Variants in TMTC1 observed in about 807,000 individuals in gnomAD.
TMTC1 encodes transmembrane O-mannosyltransferase targeting cadherins 1.
In TMTC1, 73 loss-of-function variants were observed where a neutral mutation model predicts 104.8. The ratio of observed to expected loss-of-function variants is 0.70; its 90% CI spans 0.58 to 0.85. TMTC1 has a LOEUF of 0.85. TMTC1 is among the 40% of genes least tolerant of loss of function. The pLI is 0.00. For missense variants in TMTC1, 1,035 were observed against 1,096.1 expected, an observed-to-expected ratio of 0.94 and a Z score of 0.79; for synonymous variants, 434 against 428.7, an observed-to-expected ratio of 1.01 and a Z score of -0.15.
intron 17 of TMTC1, 133 bp from the exon 18 acceptor site, chr12:29,507,119 T>A: frequency 1.4e-6 from 1 of 729,714 alleles, no homozygotes; most frequent in Admixed American, 2.6e-5. Flanking sequence ...TGTCTGTATG[T>A]GTAATTTTAT....
chr12:29,730,497 A>G (rs945057414), intron 5 of TMTC1, among the ~76,000 whole-genome samples: 4 of 152,138 alleles, frequency 2.6e-5, no homozygotes, highest in Non-Finnish European at 5.9e-5. Context: ...AGACCAGGAG[A>G]TGCTATTGAT....
At position 29,506,866 on chromosome 12, in the gene TMTC1, G is replaced by A. The variant is rs200566462; in HGVS notation, c.2629C>T (p.Arg877Ter). The A allele has an allele frequency of 3.2e-5, 51 of 1,614,044 alleles. No homozygotes were observed. The Admixed American group carries it at 7.5e-4, about 24-fold the overall frequency. The change falls in exon 18 of 18, where the codon CGA becomes TGA. Residue 877 changes from arginine to a stop codon, truncating the protein, a stop_gained. Coordinates refer to ENST00000539277, the MANE Select transcript of TMTC1 (RefSeq NM_001193451.2). LOFTEE classifies it high-confidence loss of function. Reference sequence around the variant, plus strand: ...TGGTGCTATGTTTGATCCTTTTCTCGAACTTCTTGTAATCGTTTTTCTAGG... The same window carrying A: ...TGGTGCTATGTTTGATCCTTTTCTCAAACTTCTTGTAATCGTTTTTCTAGG... ...DRLEKRLQEV[R>*]EKDQT
intron 7 of TMTC1, among the ~76,000 whole-genome samples, chr12:29,597,198 TTTTTCTTTTC>T (rs371537051): frequency 6.6e-6 from 1 of 151,608 alleles, no homozygotes; most frequent in East Asian, 1.9e-4. Flanking sequence ...GTGAACTTTT[TTTTTCTTTTC>T]TTTTCTTTTT....
At chr12:29,542,529 T>C (rs567505625) in intron 10 of TMTC1, among the ~76,000 whole-genome samples, 1 of 152,208 alleles carries the variant, frequency 6.6e-6, no homozygotes, top group South Asian at 2.1e-4. Context: ...ACTTCTGAAA[T>C]TCTGGTGCGT....
At chr12:29,570,468 C>A (rs1478662948) in intron 9 of TMTC1, among the ~76,000 whole-genome samples, 2 of 152,326 alleles carry the variant, frequency 1.3e-5, no homozygotes, top group East Asian at 1.9e-4. Context: ...AGCTTTGATA[C>A]AATTATTCCT....
At chr12:29,601,929 G>C (rs906249735) in intron 7 of TMTC1, among the ~76,000 whole-genome samples, 2 of 150,398 alleles carry the variant, frequency 1.3e-5, no homozygotes, top group African/African-American at 2.5e-5. Flanking sequence ...TCCGCCTCCC[G>C]GGTTCACACC....
At chr12:29,668,452 A>ATTTTTTTTTTTTTTTTT (rs1940369316) in intron 5 of TMTC1, among the ~76,000 whole-genome samples, 2 of 97,996 alleles carry the variant, frequency 2.0e-5, no homozygotes, top group African/African-American at 4.0e-5. Context: ...ATACCAACTT[A>ATTTTTTTTTTTTTTTTT]TCTTTTTTTT....
At chr12:29,633,889 G>A (rs1177689826) in intron 5 of TMTC1, among the ~76,000 whole-genome samples, 1 of 152,160 alleles carries the variant, frequency 6.6e-6, no homozygotes, top group Non-Finnish European at 1.5e-5. Context: ...CTGTTTCCTG[G>A]CTGCCACTAG....
intron 1 of TMTC1, among the ~76,000 whole-genome samples, chr12:29,779,068 C>T (rs1307208331): frequency 6.6e-6 from 1 of 152,198 alleles, no homozygotes; most frequent in Non-Finnish European, 1.5e-5. Context: ...CTCTTCCCTG[C>T]AGAGCTGCAT....
chr12:29,702,358 G>A (rs1216904724), intron 5 of TMTC1, among the ~76,000 whole-genome samples: 2 of 152,158 alleles, frequency 1.3e-5, no homozygotes. Flanking sequence ...GGGCTCAGAT[G>A]GGGATAGATC....
intron 7 of TMTC1, among the ~76,000 whole-genome samples, chr12:29,584,441 T>TA (rs199742901): frequency 5.3e-4 from 81 of 151,756 alleles, no homozygotes; most frequent in African/African-American, 1.2e-3. Context: ...TTCTTTTTTT[T>TA]AAATTTTATT....
chr12:29,778,114 T>C (rs1304939620), intron 1 of TMTC1, among the ~76,000 whole-genome samples: 2 of 152,230 alleles, frequency 1.3e-5, no homozygotes, highest in African/African-American at 4.8e-5. Context: ...CTCTGACATT[T>C]TAAACCACCC....
At chr12:29,669,337 G>A (rs1940414168) in intron 5 of TMTC1, among the ~76,000 whole-genome samples, 1 of 152,224 alleles carries the variant, frequency 6.6e-6, no homozygotes, top group Non-Finnish European at 1.5e-5. Flanking sequence ...ATGGCCCATT[G>A]TGGAGTTTAG....
chr12:29,761,926 C>A (rs1346655140), intron 2 of TMTC1, among the ~76,000 whole-genome samples: 2 of 152,086 alleles, frequency 1.3e-5, no homozygotes, highest in African/African-American at 4.8e-5. Flanking sequence ...CATGTCACAC[C>A]TGTCATCCCA....
chr12:29,625,177 T>C (rs191380682), intron 6 of TMTC1, among the ~76,000 whole-genome samples: 13 of 152,344 alleles, frequency 8.5e-5, no homozygotes, highest in African/African-American at 3.1e-4. Context: ...CTATTGTTTC[T>C]TTTTAACACA....
intron 1 of TMTC1, among the ~76,000 whole-genome samples, chr12:29,770,975 T>C (rs1943583171): frequency 6.6e-6 from 1 of 152,072 alleles, no homozygotes; most frequent in Non-Finnish European, 1.5e-5. Context: ...TATCAAAATC[T>C]CTCAAAATCT....
chr12:29,633,344 G>A lies in TMTC1; in HGVS notation c.939-8C>T, dbSNP rs776235768. ...TAGGAATAGGTGAGGAATCTATAAAGAGAAGAAGAATCACTGAAACACTGC... is the reference window on the plus strand; with the variant it reads ...TAGGAATAGGTGAGGAATCTATAAAAAGAAGAAGAATCACTGAAACACTGC... On this transcript the variant is annotated splice_polypyrimidine_tract_variant and splice_region_variant and intron_variant, in intron 5 of 17. Coordinates refer to ENST00000539277, the MANE Select transcript of TMTC1 (RefSeq NM_001193451.2). 7.5e-6 allele frequency: 12 copies of A among 1,593,338 alleles called. No homozygotes were observed. Among genetic ancestry groups the A allele is most frequent in the Non-Finnish European group, 1.0e-5 (12 of 1,166,034 alleles).
At chr12:29,644,063 TATAATTTATA>T in intron 5 of TMTC1, among the ~76,000 whole-genome samples, 2 of 25,884 alleles carry the variant, frequency 7.7e-5, no homozygotes, top group Admixed American at 7.0e-4. Context: ...AATATAAATA[TATAATTTATA>T]GATAAATATA....
intron 8 of TMTC1, among the ~76,000 whole-genome samples, chr12:29,573,573 C>T (rs1276361340): frequency 6.6e-6 from 1 of 152,134 alleles, no homozygotes; most frequent in Non-Finnish European, 1.5e-5. Context: ...CAAGGAAGCA[C>T]AGCATGCTTA....
Sources: allele counts gnomAD v4.1 joint callset (sites outside exome capture counted in the v4.1 genomes callset), GRCh38; gene constraint gnomAD v4.1.1; transcripts MANE v1.5; gene names NCBI Gene and HGNC (gene_info 2026-07-23, HGNC 2026-07-21).